The following NCAM2 variants were observed in gnomAD, a reference collection of about 807,000 sequenced individuals.
NCAM2 encodes the protein N-CAM-2.
In NCAM2, 30 loss-of-function variants were observed where a neutral mutation model predicts 98.1. The ratio of observed to expected loss-of-function variants is 0.31; its 90% CI spans 0.23 to 0.41. The LOEUF (loss-of-function observed/expected upper bound fraction) is 0.41. Ranked by LOEUF, NCAM2 falls within the 10% of genes least tolerant of loss-of-function variation. The pLI is 1.00. For synonymous variants in NCAM2, 368 were observed against 342.4 expected, an observed-to-expected ratio of 1.07 and a Z score of -0.83; for missense variants, 867 against 1,005.8, an observed-to-expected ratio of 0.86 and a Z score of 1.87.
chr21:21,032,087 G>T (rs1176077084), intron 1 of NCAM2, among the ~76,000 whole-genome samples: 1 of 152,070 alleles, frequency 6.6e-6, no homozygotes, highest in Non-Finnish European at 1.5e-5. Flanking sequence ...TCAATGCAAT[G>T]GTGAGCGTAC....
chr21:21,487,399 T>TC (rs1289553010), intron 15 of NCAM2, among the ~76,000 whole-genome samples: 8 of 151,238 alleles, frequency 5.3e-5, no homozygotes, highest in African/African-American at 2.0e-4. Context: ...TGATTTTTTT[T>TC]TCATACAATG....
At chr21:21,526,636 TTACA>T (rs1173415804) in intron 16 of NCAM2, among the ~76,000 whole-genome samples, 3 of 152,086 alleles carry the variant, frequency 2.0e-5, no homozygotes, top group Non-Finnish European at 4.4e-5. Flanking sequence ...CTAAAGTTTA[TTACA>T]TAGAGAGGCA....
chr21:21,224,399 T>C (rs899125532), intron 1 of NCAM2, among the ~76,000 whole-genome samples: 1 of 152,150 alleles, frequency 6.6e-6, no homozygotes, highest in African/African-American at 2.4e-5. Flanking sequence ...TATAAACAAA[T>C]ACGTAGATAC....
chr21:21,490,244 A>C (rs765741560), intron 15 of NCAM2, among the ~76,000 whole-genome samples: 1 of 146,474 alleles, frequency 6.8e-6, no homozygotes, highest in African/African-American at 2.8e-5. Context: ...TATCCAAGAA[A>C]TGTAAAAAAT....
chr21:21,478,167 T>A (rs1310740668), intron 15 of NCAM2, among the ~76,000 whole-genome samples: 1 of 152,160 alleles, frequency 6.6e-6, no homozygotes, highest in Non-Finnish European at 1.5e-5. Flanking sequence ...CAAAAATTTA[T>A]TCTGACTCAA....
rs1404265241 is a variant in NCAM2 at position 20,998,506 on chromosome 21, T to C, written c.-58T>C. ...AGGCGGCCGGGGCAGCGAAAGGTTC[T>C]CTCTCCAGGGCTGGACTTAATAACT... On this transcript the variant is annotated 5_prime_UTR_variant, in exon 1 of 18. Transcript: ENST00000400546. The C allele has an allele frequency of 2.6e-6, 4 of 1,563,066 alleles. No homozygotes were observed. Among genetic ancestry groups the C allele is most frequent in the African/African-American group, 2.7e-5 (2 of 73,486 alleles).
intron 16 of NCAM2, among the ~76,000 whole-genome samples, chr21:21,525,696 A>G (rs1411683149): frequency 6.6e-6 from 1 of 152,138 alleles, no homozygotes; most frequent in Non-Finnish European, 1.5e-5. Flanking sequence ...AAAACCAGAC[A>G]AAGATATGAC....
At chr21:21,042,394 G>A (rs1568958958) in intron 1 of NCAM2, among the ~76,000 whole-genome samples, 3 of 152,078 alleles carry the variant, frequency 2.0e-5, no homozygotes, top group South Asian at 4.1e-4. Context: ...ATGTTGGTCA[G>A]GCTGGTCTCA....
intron 1 of NCAM2, among the ~76,000 whole-genome samples, chr21:21,228,228 T>C (rs775874483): frequency 6.6e-6 from 1 of 151,596 alleles, no homozygotes; most frequent in Non-Finnish European, 1.5e-5. Context: ...TAAAAAGATA[T>C]AAGTCTAATA....
At chr21:21,518,590 G>A (rs934467026) in intron 16 of NCAM2, among the ~76,000 whole-genome samples, 13 of 151,358 alleles carry the variant, frequency 8.6e-5, no homozygotes, top group African/African-American at 2.9e-4. Flanking sequence ...AGAGGCACAA[G>A]ATAAAAACAC....
intron 12 of NCAM2, among the ~76,000 whole-genome samples, chr21:21,453,649 G>T (rs575074922): frequency 1.3e-5 from 2 of 152,034 alleles, no homozygotes; most frequent in East Asian, 3.9e-4. Flanking sequence ...AAAATTTTGG[G>T]GTTAGAAAAG....
At chr21:21,278,775 A>G (rs771753216) in intron 1 of NCAM2, among the ~76,000 whole-genome samples, 2 of 152,224 alleles carry the variant, frequency 1.3e-5, no homozygotes, top group Non-Finnish European at 2.9e-5. Flanking sequence ...CTTAAACAGC[A>G]TAATTACCAG....
chr21:21,534,681 A>G (rs766361087), intron 17 of NCAM2, 25 bp downstream of exon 17: 3 of 1,536,018 alleles, frequency 2.0e-6, no homozygotes, highest in Non-Finnish European at 2.6e-6. Context: ...GTGCTCACTT[A>G]TGTTCAAATG....
intron 5 of NCAM2, among the ~76,000 whole-genome samples, chr21:21,309,613 G>C (rs2073982693): frequency 6.6e-6 from 1 of 152,080 alleles, no homozygotes; most frequent in Non-Finnish European, 1.5e-5. Context: ...TACTCATCTG[G>C]AGGCTCCAGG....
At chr21:21,521,913 C>A (rs116283741) in intron 16 of NCAM2, among the ~76,000 whole-genome samples, 2,527 of 151,500 alleles carry the variant, frequency 0.017, 69 homozygotes, top group African/African-American at 0.057. Flanking sequence ...ACCATAGATC[C>A]AGAAAATTCA....
At chr21:21,193,048 C>T (rs1423043045) in intron 1 of NCAM2, among the ~76,000 whole-genome samples, 1 of 152,074 alleles carries the variant, frequency 6.6e-6, no homozygotes, top group Non-Finnish European at 1.5e-5. Flanking sequence ...ATTTAAAATA[C>T]TTAGTTTTGA....
intron 1 of NCAM2, among the ~76,000 whole-genome samples, chr21:21,117,442 G>A (rs1738395937): frequency 6.6e-6 from 1 of 151,986 alleles, no homozygotes; most frequent in African/African-American, 2.4e-5. Flanking sequence ...CTTGTTTATT[G>A]CAGCATTATG....
At chr21:21,009,301 T>A (rs2064164242) in intron 1 of NCAM2, among the ~76,000 whole-genome samples, 1 of 152,130 alleles carries the variant, frequency 6.6e-6, no homozygotes, top group Non-Finnish European at 1.5e-5. Context: ...TTTGTTTACA[T>A]CACTGACATG....
At chr21:21,351,640 T>G (rs1464165013) in intron 8 of NCAM2, among the ~76,000 whole-genome samples, 1 of 152,228 alleles carries the variant, frequency 6.6e-6, no homozygotes, top group African/African-American at 2.4e-5. Flanking sequence ...TGAGATTGTA[T>G]GTTCAAAGTG....
Sources: allele counts gnomAD v4.1 joint callset (sites outside exome capture counted in the v4.1 genomes callset), GRCh38; gene constraint gnomAD v4.1.1; transcripts MANE v1.5; gene names NCBI Gene and HGNC (gene_info 2026-07-23, HGNC 2026-07-21).